CD44: variants seen among roughly 807,000 people sequenced by gnomAD.
The protein encoded by CD44 is CD44 antigen.
Under a neutral mutation model 88.8 loss-of-function variants are expected in CD44, and 49 were observed. The ratio of observed to expected loss-of-function variants is 0.55; its 90% CI spans 0.44 to 0.70. CD44 has a LOEUF of 0.70. CD44 is among the 30% of genes least tolerant of loss of function. The pLI is 0.00. For missense variants in CD44, 883 were observed against 913.8 expected, an observed-to-expected ratio of 0.97 and a Z score of 0.43; for synonymous variants, 325 against 312.3, an observed-to-expected ratio of 1.04 and a Z score of -0.43.
chr11:35,141,007 C>T (rs979451156), intron 1 of CD44, among the ~76,000 whole-genome samples: 5 of 148,556 alleles, frequency 3.4e-5, no homozygotes, highest in Admixed American at 1.4e-4. Context: ...GGTGACAAAG[C>T]GTGACTCTGT....
intron 5 of CD44, among the ~76,000 whole-genome samples, chr11:35,195,772 A>C (rs1489274361): frequency 6.6e-6 from 1 of 152,094 alleles, no homozygotes; most frequent in African/African-American, 2.4e-5. Flanking sequence ...TAGCAAGATC[A>C]TTGGGGTCAC....
chr11:35,180,381 A>T lies in CD44; in HGVS notation c.341A>T (p.Tyr114Phe). Residue 114 changes from tyrosine to phenylalanine, a missense_variant, in exon 3 of 18, where the codon TAT becomes TTT. By Grantham distance (22) the Tyr-to-Phe change is conservative. This residue lies in a region of CD44 where 252 missense variants were observed against 322.9 expected (regional missense o/e 0.78). Coordinates refer to ENST00000428726, the MANE Select transcript of CD44 (RefSeq NM_000610.4). ...VYILTSNTSQYDTYCFNASAP... is the reference protein window; with the variant it reads ...VYILTSNTSQFDTYCFNASAP... The stretch of plus-strand genomic sequence containing the variant: ...ATCCTCACATCCAACACCTCCCAGT[A>T]TGACACATATTGCTTCAATGCTTCA... The T allele has an allele frequency of 6.2e-7, 1 of 1,614,144 alleles. No individual in the cohort carries two copies. Among genetic ancestry groups the T allele is most frequent in the South Asian group, 1.1e-5 (1 of 91,076 alleles).
chr11:35,180,067 T>C (rs1357096656), intron 2 of CD44, among the ~76,000 whole-genome samples: 3 of 152,186 alleles, frequency 2.0e-5, no homozygotes, highest in African/African-American at 7.2e-5. Flanking sequence ...CTAAATAAAA[T>C]CACTTTGTTT....
intron 15 of CD44, 157 bp from the exon 16 acceptor site, chr11:35,219,159 A>G (rs1021655650): frequency 1.6e-6 from 1 of 619,640 alleles, no homozygotes; most frequent in South Asian, 1.9e-5. Flanking sequence ...TGGGGGGGAA[A>G]TCTTTTGTGT....
intron 15 of CD44, among the ~76,000 whole-genome samples, chr11:35,216,790 A>C (rs1311609213): frequency 1.3e-5 from 2 of 152,228 alleles, no homozygotes; most frequent in African/African-American, 4.8e-5. Flanking sequence ...TTTAACCATC[A>C]GAGTGGACAT....
chr11:35,179,165 C>T (rs1237434397), intron 2 of CD44, among the ~76,000 whole-genome samples: 1 of 152,214 alleles, frequency 6.6e-6, no homozygotes, highest in Non-Finnish European at 1.5e-5. Flanking sequence ...ACTTCAGACT[C>T]ACAGACATTT....
Position 35,196,834 on chromosome 11 carries a change from A to G in CD44, c.756A>G (p.Ser252=), listed in dbSNP as rs201104029. Residue 252 remains serine (S), a synonymous_variant, in exon 6 of 18, where the codon TCA becomes TCG. Transcript: ENST00000428726. ...WDWFSWLFLP[S]ESKNHLHTTT... is the part of the protein sequence containing the mutation. ...GGTTTTCATGGTTGTTTCTACCATC[A>G]GAGTCAAAGAATCATCTTCACACAA... is the stretch of plus-strand genomic sequence containing the variant. 3.0e-5 allele frequency: 48 copies of G among 1,613,754 alleles called. No individual in the cohort carries two copies. Among genetic ancestry groups the G allele is most frequent in the Non-Finnish European group, 3.8e-5 (45 of 1,179,762 alleles).
intron 15 of CD44, among the ~76,000 whole-genome samples, chr11:35,217,188 G>A (rs1447326192): frequency 1.3e-5 from 2 of 151,976 alleles, no homozygotes; most frequent in Admixed American, 1.3e-4. Flanking sequence ...TGGCTTCTGA[G>A]CAGGTGTCTA....
chr11:35,175,175 G>A (rs1944326032), intron 1 of CD44, among the ~76,000 whole-genome samples: 1 of 152,222 alleles, frequency 6.6e-6, no homozygotes. Flanking sequence ...AGCTCAGAAT[G>A]TCTGAGAGAA....
intron 16 of CD44, 83 bp from the exon 17 acceptor site, chr11:35,221,571 C>G: frequency 8.5e-7 from 1 of 1,170,326 alleles, no homozygotes. Flanking sequence ...CTTGTTTCAA[C>G]TAGGTCAATT....
intron 1 of CD44, among the ~76,000 whole-genome samples, chr11:35,168,660 A>G (rs1943558282): frequency 6.6e-6 from 1 of 152,248 alleles, no homozygotes; most frequent in South Asian, 2.1e-4. Flanking sequence ...TGAGGAGATG[A>G]CAAATAGGGA....
chr11:35,223,430 C>A, intron 17 of CD44: 1 of 294,710 alleles, frequency 3.4e-6, no homozygotes, highest in Non-Finnish European at 5.0e-6. Flanking sequence ...GGCATGGATG[C>A]TGTCGACATT....
At chr11:35,190,328 G>C (rs1361210044) in intron 5 of CD44, 1 of 531,726 alleles carries the variant, frequency 1.9e-6, no homozygotes, top group Admixed American at 3.2e-5. Flanking sequence ...ATTTTGGGGA[G>C]AGCCCTCCTT....
intron 15 of CD44, among the ~76,000 whole-genome samples, chr11:35,217,684 A>T (rs1361973449): frequency 1.3e-5 from 2 of 152,192 alleles, no homozygotes; most frequent in African/African-American, 4.8e-5. Context: ...TGTAATCAAG[A>T]TTTCAGTGTG....
rs373682322 is a variant in CD44 at position 35,167,908 on chromosome 11, C to T, written c.68-8667C>T. On this transcript the variant is annotated intron_variant, in intron 1 of 17. Transcript: ENST00000428726. ...TAAAGGGCAGGAGGCCTGGGGGCTACGACTAGGTTTGGGCTTTCTAAATTC... is the reference window on the plus strand; with the variant it reads ...TAAAGGGCAGGAGGCCTGGGGGCTATGACTAGGTTTGGGCTTTCTAAATTC... Among the ~76,000 whole-genome samples, 21 of 152,318 alleles carry T rather than the reference C, an allele frequency of 1.4e-4. No homozygotes were observed. The South Asian group carries it at 2.5e-3, about 18-fold the overall frequency.
chr11:35,222,238 A>T, intron 17 of CD44: 1 of 377,674 alleles, frequency 2.6e-6, no homozygotes, highest in Non-Finnish European at 5.4e-6. Flanking sequence ...AGGCCCAGGG[A>T]ACCTTTAAGA....
chr11:35,195,895 A>AG (rs1946693071), intron 5 of CD44, among the ~76,000 whole-genome samples: 2 of 152,132 alleles, frequency 1.3e-5, no homozygotes, highest in Non-Finnish European at 2.9e-5. Flanking sequence ...ACCTTGGGCA[A>AG]GGTTGTGAGA....
rs916245639 is a variant in CD44 at position 35,189,747 on chromosome 11, A to G, written c.437-88A>G. The G allele has an allele frequency of 3.5e-6, 3 of 868,164 alleles. No individual in the cohort carries two copies. The African/African-American group carries it at 5.0e-5, about 15-fold the overall frequency. 53.8% of individuals were successfully genotyped at this position (868,164 alleles called of 1,614,324 possible). A position where few individuals can be genotyped will look rare whatever the true frequency, so the allele number is the denominator to read the frequency against. ...TAGGTGTTTCTCATTACAAAGGAAA[A>G]TAGCTTTGAAGTCACTATGTTAAAC... On this transcript the variant is annotated intron_variant, in intron 4 of 17. Transcript: ENST00000428726.
intron 14 of CD44, among the ~76,000 whole-genome samples, chr11:35,211,807 T>G (rs905298945): frequency 2.6e-5 from 4 of 152,206 alleles, no homozygotes; most frequent in Admixed American, 1.3e-4. Flanking sequence ...CAGGTGAAAG[T>G]AGTCGAATTT....
Sources: gnomAD v4.1 joint callset for allele counts (sites outside exome capture counted in the v4.1 genomes callset) on GRCh38, gnomAD v4.1.1 for gene constraint, gnomAD v4.1.1 regional missense constraint, MANE v1.5 for transcripts, NCBI Gene and HGNC (gene_info 2026-07-23, HGNC 2026-07-21) for gene names.